SNCAIP: variants seen among roughly 807,000 people sequenced by gnomAD.
SNCAIP encodes the protein synphilin-1.
In SNCAIP, 43 loss-of-function variants were observed where a neutral mutation model predicts 86.7. The observed-to-expected ratio is 0.50, with a 90% CI of 0.39 to 0.64. The LOEUF is 0.64. SNCAIP is among the 30% of genes least tolerant of loss of function. The pLI, the probability that SNCAIP is intolerant of heterozygous loss-of-function variation, is 0.00. For synonymous variants in SNCAIP, 417 were observed against 427.2 expected (o/e 0.98, Z 0.29); for missense variants, 981 against 1,103.1 (o/e 0.89, Z 1.57).
At chr5:122,433,554 T>A (rs1581220474) in intron 6 of SNCAIP, among the ~76,000 whole-genome samples, 2 of 152,182 alleles carry the variant, frequency 1.3e-5, no homozygotes, top group African/African-American at 4.8e-5. Context: ...ACACTACTCA[T>A]TGAAGAGATT....
chr5:122,384,298 A>G (rs1167585129), intron 1 of SNCAIP, among the ~76,000 whole-genome samples: 2 of 152,226 alleles, frequency 1.3e-5, no homozygotes, highest in African/African-American at 4.8e-5. Flanking sequence ...TATGAAAGAT[A>G]TGATTGCAAA....
chr5:122,441,124 C>T, intron 7 of SNCAIP: 1 of 236,156 alleles, frequency 4.2e-6, no homozygotes, highest in African/African-American at 2.3e-5. Flanking sequence ...CTTCCCCTAA[C>T]TAGTAAATTT....
intron 4 of SNCAIP, among the ~76,000 whole-genome samples, chr5:122,424,872 C>T (rs982663995): frequency 6.6e-6 from 1 of 152,206 alleles, no homozygotes; most frequent in Non-Finnish European, 1.5e-5. Flanking sequence ...TCTAGAGGTA[C>T]CTATGAGAGC....
intron 8 of SNCAIP, among the ~76,000 whole-genome samples, chr5:122,449,037 G>C (rs929467584): frequency 1.3e-5 from 2 of 151,752 alleles, no homozygotes; most frequent in Non-Finnish European, 2.9e-5. Flanking sequence ...TGAGGTTACA[G>C]ATGCTCCTAA....
intron 5 of SNCAIP, among the ~76,000 whole-genome samples, chr5:122,426,581 A>T (rs963389963): frequency 6.6e-6 from 1 of 152,218 alleles, no homozygotes; most frequent in Admixed American, 6.5e-5. Flanking sequence ...GTAATTAATA[A>T]GGTATACTTC....
At chr5:122,337,010 T>C (rs547046007) in intron 1 of SNCAIP, 4 of 152,364 alleles carry the variant, frequency 2.6e-5, no homozygotes, top group African/African-American at 9.6e-5. Flanking sequence ...CCTGTACTTC[T>C]GCCTCCATTT....
rs549281389 is a variant in SNCAIP, at chr5:122,382,982, C to T, written c.-46-8107C>T. On this transcript the variant is annotated intron_variant, in intron 1 of 10. Transcript: ENST00000261368. ...GGGACATTTAAGTCTGCAGAGGTTA[C>T]TGCTGTCTTTTTGTCTGTCTGTGCC... Among the ~76,000 whole-genome samples, 1,299 of 152,326 alleles carry T rather than the reference C, an allele frequency of 8.5e-3. 19 individuals are homozygous for T. The highest frequency in any genetic ancestry group is 0.03 in the African/African-American group (1,248 of 41,584).
intron 5 of SNCAIP, 44 bp downstream of exon 5, chr5:122,425,575 T>C (rs137919455): frequency 1.3e-6 from 2 of 1,531,698 alleles, no homozygotes; most frequent in Non-Finnish European, 1.8e-6. Context: ...GAAGCTGGAT[T>C]TCTATTTTTT....
At chr5:122,314,549 G>A (rs1580704327) in intron 1 of SNCAIP, among the ~76,000 whole-genome samples, 2 of 152,162 alleles carry the variant, frequency 1.3e-5, no homozygotes, top group African/African-American at 4.8e-5. Flanking sequence ...TCAAATAGTT[G>A]CTTCTGTGAA....
intron 1 of SNCAIP, chr5:122,312,820 C>T (rs985655604): frequency 6.6e-6 from 1 of 152,450 alleles, no homozygotes; most frequent in Non-Finnish European, 1.5e-5. Context: ...GCCAGCCTCC[C>T]TCTAGTGCTG....
chr5:122,338,956 G>C (rs574888742), intron 1 of SNCAIP, among the ~76,000 whole-genome samples: 102 of 152,228 alleles, frequency 6.7e-4, no homozygotes, highest in Middle Eastern at 3.4e-3. Context: ...GATTAATAAT[G>C]GGGGGTAGGG....
intron 1 of SNCAIP, chr5:122,371,538 A>G (rs1764265713): frequency 6.7e-6 from 1 of 149,846 alleles, no homozygotes; most frequent in South Asian, 2.1e-4. Flanking sequence ...AAAAACCTGC[A>G]TGATTTGTAT....
At chr5:122,414,645 G>A (rs576952876) in intron 3 of SNCAIP, among the ~76,000 whole-genome samples, 10 of 152,296 alleles carry the variant, frequency 6.6e-5, no homozygotes, top group East Asian at 3.9e-4. Context: ...AAATGAGTAC[G>A]ACCACTGATT....
At position 122,423,528 on chromosome 5, in the gene SNCAIP, G is replaced by T; in HGVS notation, c.791G>T (p.Ser264Ile). ...AAAGACTTCCTAAACAAGACATTTA[G>T]TGATCCTCATGGTCGAAAAGTTGAG... ...QSKDFLNKTF[S>I]DPHGRKVEKT... Residue 264 changes from serine (S) to isoleucine (I), a missense_variant, in exon 4 of 11, where the codon AGT becomes ATT. Coordinates refer to ENST00000261368, the MANE Select transcript of SNCAIP (RefSeq NM_005460.4). The T allele has an allele frequency of 3.1e-6, 5 of 1,614,168 alleles. No individual in the cohort carries two copies. The highest frequency in any genetic ancestry group is 4.2e-6 in the Non-Finnish European group (5 of 1,180,018).
intron 1 of SNCAIP, among the ~76,000 whole-genome samples, chr5:122,340,601 A>G (rs1757373090): frequency 6.6e-6 from 1 of 152,220 alleles, no homozygotes; most frequent in Non-Finnish European, 1.5e-5. Context: ...AATATTTTTC[A>G]AAATATTTAC....
chr5:122,320,720 G>A (rs1459372396), intron 1 of SNCAIP, among the ~76,000 whole-genome samples: 1 of 152,214 alleles, frequency 6.6e-6, no homozygotes, highest in Non-Finnish European at 1.5e-5. Flanking sequence ...CCGCTTTGCA[G>A]ATGAGAAGGC....
intron 1 of SNCAIP, among the ~76,000 whole-genome samples, chr5:122,335,128 A>G (rs955303385): frequency 2.6e-5 from 4 of 152,214 alleles, no homozygotes; most frequent in African/African-American, 9.7e-5. Context: ...GATGACTAAA[A>G]TATCTTATTT....
chr5:122,311,588 G>A (rs1051726014), upstream of SNCAIP: 1 of 152,186 alleles, frequency 6.6e-6, no homozygotes, highest in Non-Finnish European at 1.5e-5. Flanking sequence ...AATGGTCTGG[G>A]GACCAATGAG....
chr5:122,373,248 T>A (rs1216866591), intron 1 of SNCAIP, among the ~76,000 whole-genome samples: 2 of 152,154 alleles, frequency 1.3e-5, no homozygotes, highest in African/African-American at 4.8e-5. Flanking sequence ...CCTAGGACTT[T>A]CTCATCATAA....
Sources: gnomAD v4.1 joint callset for allele counts (sites outside exome capture counted in the v4.1 genomes callset) on GRCh38, gnomAD v4.1.1 for gene constraint, MANE v1.5 for transcripts, NCBI Gene and HGNC (gene_info 2026-07-23, HGNC 2026-07-21) for gene names.